The following KIZ variants were observed in gnomAD, a reference collection of about 807,000 sequenced individuals.
KIZ encodes the protein kizuna centrosomal protein.
A neutral mutation model predicts 79.6 loss-of-function variants in KIZ; 68 were observed. The observed-to-expected ratio is 0.85, with a 90% CI of 0.70 to 1.05. The LOEUF is 1.05. Ranked by LOEUF, KIZ falls within the 50% of genes least tolerant of loss-of-function variation. The pLI is 0.00. For synonymous variants in KIZ, 280 were observed against 281.8 expected, an observed-to-expected ratio of 0.99 and a Z score of 0.06; for missense variants, 797 against 800.4, an observed-to-expected ratio of 1.00 and a Z score of 0.05.
chr20:21,189,194 C>T (rs1016933879), intron 6 of KIZ, among the ~76,000 whole-genome samples: 3 of 152,098 alleles, frequency 2.0e-5, no homozygotes, highest in African/African-American at 4.8e-5. Flanking sequence ...AATGACTTCA[C>T]CCTTCTATGG....
At chr20:21,151,425 C>T (rs1323053050) in intron 4 of KIZ, 1 of 151,864 alleles carries the variant, frequency 6.6e-6, no homozygotes, top group African/African-American at 2.4e-5. Context: ...GAGGCTCTAA[C>T]AAGTGAGAAA....
At chr20:21,154,060 ATCT>A (rs1288689005) in intron 4 of KIZ, 1 of 152,210 alleles carries the variant, frequency 6.6e-6, no homozygotes, top group Non-Finnish European at 1.5e-5. Context: ...ATTTTTAAAA[ATCT>A]TCTCAATGTG....
At chr20:21,148,420 C>T (rs115231000) in intron 4 of KIZ, among the ~76,000 whole-genome samples, 2,666 of 152,128 alleles carry the variant, frequency 0.018, 72 homozygotes, top group African/African-American at 0.059. Flanking sequence ...ATCATACATT[C>T]GCTTAGAAGG....
chr20:21,134,736 G>A (rs1489570841), intron 2 of KIZ, among the ~76,000 whole-genome samples: 6 of 146,816 alleles, frequency 4.1e-5, no homozygotes, highest in African/African-American at 7.6e-5. Flanking sequence ...GTGTGATCTC[G>A]GCTCACTGCA....
chr20:21,162,933 A>G lies in KIZ; in HGVS notation c.1126A>G (p.Ser376Gly), dbSNP rs370218673. 86 of 1,613,734 alleles carry G rather than the reference A, an allele frequency of 5.3e-5. No homozygotes were observed. The South Asian group carries it at 7.7e-4, about 14-fold the overall frequency. ...GGAGGAGGAAAGTTGGAGCACCAGC[A>G]GTGACCTTACCATTTCAATAAGTGA... ...EEEEESWSTS[S>G]DLTISISEDD... The change falls in exon 6 of 13, where the codon AGT (serine) becomes GGT (glycine). Residue 376 changes from serine (S) to glycine (G), a missense_variant. By Grantham distance (56) the Ser-to-Gly change is moderately conservative. Coordinates refer to ENST00000619189, the MANE Select transcript of KIZ (RefSeq NM_018474.6).
chr20:21,199,220 A>G (rs1439431535), intron 6 of KIZ, among the ~76,000 whole-genome samples: 6 of 152,342 alleles, frequency 3.9e-5, no homozygotes, highest in African/African-American at 1.4e-4. Flanking sequence ...CAGCATTCAT[A>G]ATAGAGCATT....
At chr20:21,172,266 G>A (rs1209833472) in intron 6 of KIZ, among the ~76,000 whole-genome samples, 2 of 152,170 alleles carry the variant, frequency 1.3e-5, no homozygotes, top group Non-Finnish European at 2.9e-5. Flanking sequence ...TGCATGTGGA[G>A]AAGAGGAAGG....
chr20:21,214,208 C>A (rs887943092), intron 7 of KIZ, among the ~76,000 whole-genome samples: 2 of 151,918 alleles, frequency 1.3e-5, no homozygotes, highest in Admixed American at 6.6e-5. Flanking sequence ...TTGTATATAT[C>A]GAAGGGAGGA....
At chr20:21,168,947 G>A (rs2034078624) in intron 6 of KIZ, among the ~76,000 whole-genome samples, 1 of 152,140 alleles carries the variant, frequency 6.6e-6, no homozygotes, top group South Asian at 2.1e-4. Flanking sequence ...ATGGATTAAA[G>A]ACTTAAACAT....
chr20:21,218,120 A>G (rs1342702195), intron 9 of KIZ: 2 of 152,242 alleles, frequency 1.3e-5, no homozygotes, highest in Non-Finnish European at 2.9e-5. Flanking sequence ...TGAGAACACA[A>G]TTGAGATTCA....
At chr20:21,243,550 A>G (rs1232175343) in intron 11 of KIZ, among the ~76,000 whole-genome samples, 1 of 152,206 alleles carries the variant, frequency 6.6e-6, no homozygotes, top group Admixed American at 6.5e-5. Flanking sequence ...GAATCTCAGC[A>G]TCATAAAACA....
intron 11 of KIZ, among the ~76,000 whole-genome samples, chr20:21,240,715 C>CTG (rs2037189421): frequency 1.3e-5 from 2 of 151,762 alleles, no homozygotes; most frequent in East Asian, 1.9e-4. Flanking sequence ...CCATACGGCC[C>CTG]GCAAGCTAAG....
At chr20:21,199,629 T>G (rs746389773) in intron 6 of KIZ, among the ~76,000 whole-genome samples, 1 of 152,186 alleles carries the variant, frequency 6.6e-6, no homozygotes, top group Non-Finnish European at 1.5e-5. Context: ...GCTGCCCTCC[T>G]TGCTCTAGCT....
chr20:21,182,096 C>A (rs2034678382), intron 6 of KIZ, among the ~76,000 whole-genome samples: 1 of 152,186 alleles, frequency 6.6e-6, no homozygotes, highest in Non-Finnish European at 1.5e-5. Flanking sequence ...CTCTAAAATT[C>A]ATATGTTAAA....
At chr20:21,203,486 C>T (rs1191649330) in intron 6 of KIZ, among the ~76,000 whole-genome samples, 2 of 152,094 alleles carry the variant, frequency 1.3e-5, no homozygotes, top group Non-Finnish European at 2.9e-5. Flanking sequence ...GTTCAAATGT[C>T]GAAAGGTTGA....
At chr20:21,218,538 T>C (rs2123337006) in intron 9 of KIZ, 1 of 152,302 alleles carries the variant, frequency 6.6e-6, no homozygotes, top group Admixed American at 6.5e-5. Context: ...GCATAATGCA[T>C]AGAAGCATAG....
chr20:21,142,590 C>G (rs1052412488), intron 3 of KIZ, among the ~76,000 whole-genome samples: 4 of 151,874 alleles, frequency 2.6e-5, no homozygotes, highest in African/African-American at 9.7e-5. Context: ...AGATGTGATT[C>G]TCCAGGCCTG....
At chr20:21,214,511 T>G (rs2036205251) in intron 7 of KIZ, 24 bp from the exon 8 acceptor site, 7 of 1,576,264 alleles carry the variant, frequency 4.4e-6, no homozygotes, top group Non-Finnish European at 6.1e-6. Flanking sequence ...TTTATTTCTT[T>G]GTGCTTTTTT....
chr20:21,161,503 T>C (rs1290999066), intron 4 of KIZ, among the ~76,000 whole-genome samples: 1 of 151,638 alleles, frequency 6.6e-6, no homozygotes, highest in East Asian at 1.9e-4. Context: ...GGCTAATTTT[T>C]GTATTTTTAG....
Sources: allele counts gnomAD v4.1 joint callset (sites outside exome capture counted in the v4.1 genomes callset), GRCh38; gene constraint gnomAD v4.1.1; transcripts MANE v1.5; gene names NCBI Gene and HGNC (gene_info 2026-07-23, HGNC 2026-07-21).